SESTD1: variants seen among roughly 807,000 people sequenced by gnomAD.
The protein encoded by SESTD1 is SEC14 and spectrin domain containing 1.
A neutral mutation model predicts 101.7 loss-of-function variants in SESTD1; 43 were observed. The observed-to-expected ratio is 0.42, with a 90% CI of 0.33 to 0.55. The LOEUF is 0.55. Among genes scored for constraint, SESTD1 ranks in the 20% least tolerant of loss-of-function variants. The probability of loss-of-function intolerance (pLI) is 0.07; values close to 1 mark genes in which losing one functional copy is unlikely to be tolerated. For synonymous variants in SESTD1, 283 were observed against 286.8 expected (o/e 0.99, Z 0.13); for missense variants, 647 against 815.1 (o/e 0.79, Z 2.51).
chr2:179,257,936 A>C (rs1243740922), intron 1 of SESTD1, among the ~76,000 whole-genome samples: 1 of 152,226 alleles, frequency 6.6e-6, no homozygotes, highest in East Asian at 1.9e-4. Flanking sequence ...CAGTCTTCAA[A>C]GGGTTAGATG....
chr2:179,222,889 T>C (rs2046834178), intron 1 of SESTD1, among the ~76,000 whole-genome samples: 1 of 152,104 alleles, frequency 6.6e-6, no homozygotes, highest in Non-Finnish European at 1.5e-5. Flanking sequence ...TGTCACATAA[T>C]AAAATCAAAA....
intron 1 of SESTD1, among the ~76,000 whole-genome samples, chr2:179,227,862 T>C (rs1414592328): frequency 6.6e-6 from 1 of 152,288 alleles, no homozygotes; most frequent in East Asian, 1.9e-4. Flanking sequence ...CTGCCGCTTA[T>C]TAGGTGTGTG....
At chr2:179,151,582 A>T (rs1207406453) in intron 5 of SESTD1, among the ~76,000 whole-genome samples, 191 bp from the exon 6 acceptor site, 1 of 152,096 alleles carries the variant, frequency 6.6e-6, no homozygotes, top group African/African-American at 2.4e-5. Context: ...TTCATCAAAA[A>T]TTTTTTCTAA....
At chr2:179,184,754 T>C (rs1368200525) in intron 2 of SESTD1, among the ~76,000 whole-genome samples, 2 of 152,156 alleles carry the variant, frequency 1.3e-5, no homozygotes, top group African/African-American at 4.8e-5. Context: ...CTAAGCTTTA[T>C]CCACCCATTA....
chr2:179,196,592 A>G (rs1055502929), intron 1 of SESTD1, among the ~76,000 whole-genome samples: 1 of 152,238 alleles, frequency 6.6e-6, no homozygotes, highest in Non-Finnish European at 1.5e-5. Context: ...TGGTTCTCCC[A>G]GCATGCAGCT....
chr2:179,138,058 A>G (rs1477635711), intron 9 of SESTD1, among the ~76,000 whole-genome samples: 1 of 152,198 alleles, frequency 6.6e-6, no homozygotes. Context: ...TACAGAAAAC[A>G]TTATATGCTG....
intron 3 of SESTD1, among the ~76,000 whole-genome samples, chr2:179,178,956 GAATAA>G (rs897007633): frequency 4.6e-5 from 7 of 152,102 alleles, no homozygotes; most frequent in African/African-American, 1.4e-4. Flanking sequence ...GATCTTAAAG[GAATAA>G]AATACTCTAA....
chr2:179,129,004 A>AATG (rs1190917557), intron 10 of SESTD1, among the ~76,000 whole-genome samples: 1 of 152,240 alleles, frequency 6.6e-6, no homozygotes. Flanking sequence ...TACTTGGTGA[A>AATG]ATGATGGATA....
At chr2:179,197,681 A>C (rs1322318976) in intron 1 of SESTD1, among the ~76,000 whole-genome samples, 1 of 152,242 alleles carries the variant, frequency 6.6e-6, no homozygotes, top group East Asian at 1.9e-4. Flanking sequence ...AAGAATTTTC[A>C]ACCCAGAATT....
chr2:179,139,489 T>C (rs1010660543), intron 9 of SESTD1, among the ~76,000 whole-genome samples: 9 of 152,174 alleles, frequency 5.9e-5, no homozygotes, highest in Non-Finnish European at 7.3e-5. Context: ...GTCAGATCAG[T>C]TTCACCTGCT....
At chr2:179,170,006 A>AT (rs2045903358) in intron 5 of SESTD1, among the ~76,000 whole-genome samples, 1 of 151,970 alleles carries the variant, frequency 6.6e-6, no homozygotes, top group African/African-American at 2.4e-5. Context: ...AAGTCATAAA[A>AT]TACATATTCT....
intron 1 of SESTD1, among the ~76,000 whole-genome samples, chr2:179,204,230 A>G (rs1292064187): frequency 7.4e-6 from 1 of 134,854 alleles, no homozygotes; most frequent in African/African-American, 2.9e-5. Context: ...TGAGACCACA[A>G]TCATGCCCTA....
intron 9 of SESTD1, among the ~76,000 whole-genome samples, chr2:179,136,132 G>C (rs1481496623): frequency 6.6e-6 from 1 of 152,126 alleles, no homozygotes; most frequent in Admixed American, 6.5e-5. Flanking sequence ...TGCCACTACT[G>C]GTGGGTCTGA....
At chr2:179,259,292 C>T (rs2047446204) in intron 1 of SESTD1, among the ~76,000 whole-genome samples, 1 of 152,008 alleles carries the variant, frequency 6.6e-6, no homozygotes, top group Non-Finnish European at 1.5e-5. Context: ...AGTGCAGTGG[C>T]GCGATCTCGG....
At chr2:179,152,416 T>C (rs568865336) in intron 5 of SESTD1, among the ~76,000 whole-genome samples, 1 of 152,358 alleles carries the variant, frequency 6.6e-6, no homozygotes, top group East Asian at 1.9e-4. Context: ...TGTGACTATA[T>C]GTGCTTGTTG....
intron 2 of SESTD1, among the ~76,000 whole-genome samples, chr2:179,185,536 AAT>A (rs1250060555): frequency 5.1e-5 from 7 of 136,704 alleles, no homozygotes; most frequent in Admixed American, 7.7e-5. Context: ...GTATATATGT[AAT>A]ATATGATATG....
intron 1 of SESTD1, among the ~76,000 whole-genome samples, chr2:179,228,487 T>A (rs1447997584): frequency 6.6e-6 from 1 of 152,056 alleles, no homozygotes; most frequent in East Asian, 1.9e-4. Context: ...GGGAATGGGG[T>A]CTGTCTTTAA....
chr2:179,241,880 C>A (rs112126196), intron 1 of SESTD1, among the ~76,000 whole-genome samples: 1 of 150,636 alleles, frequency 6.6e-6, no homozygotes, highest in African/African-American at 2.4e-5. Flanking sequence ...TGAGATCATG[C>A]CATTGCACTC....
At position 179,264,795 on chromosome 2, in the gene SESTD1, G is replaced by C. The variant is rs922039502; in HGVS notation, c.-322C>G. On this transcript the variant is annotated 5_prime_UTR_variant, in exon 1 of 18. Coordinates refer to ENST00000428443, the MANE Select transcript of SESTD1 (RefSeq NM_178123.5). ...GCGACCCCGCGCGCGCCCGGGTGACGGCGGTACAGCAACCCGCCCGGCGCG... is the reference window on the plus strand; with the variant it reads ...GCGACCCCGCGCGCGCCCGGGTGACCGCGGTACAGCAACCCGCCCGGCGCG... 1 of 151,742 alleles carries C rather than the reference G, an allele frequency of 6.6e-6. No homozygotes were observed. Among genetic ancestry groups the C allele is most frequent in the Non-Finnish European group, 1.5e-5 (1 of 67,746 alleles). 9.4% of individuals were successfully genotyped at this position (151,742 alleles called of 1,614,324 possible). A position where few individuals can be genotyped will look rare whatever the true frequency, so the allele number is the denominator to read the frequency against.
Sources: gnomAD v4.1 joint callset for allele counts (sites outside exome capture counted in the v4.1 genomes callset) on GRCh38, gnomAD v4.1.1 for gene constraint, MANE v1.5 for transcripts, NCBI Gene and HGNC (gene_info 2026-07-23, HGNC 2026-07-21) for gene names.